Variants in PKHD1 observed in about 807,000 individuals in gnomAD.
PKHD1 encodes the protein fibrocystin.
In PKHD1, 291 loss-of-function variants were observed where a neutral mutation model predicts 412.0. That is an observed-to-expected ratio of 0.71 (90% CI 0.64 to 0.78). PKHD1 has a LOEUF of 0.78. PKHD1 is among the 30% of genes least tolerant of loss of function. The pLI is 0.00. For synonymous variants in PKHD1, 1,777 were observed against 1,821.5 expected (o/e 0.98, Z 0.62); for missense variants, 4,825 against 4,950.7 (o/e 0.97, Z 0.76).
At chr6:51,913,175 C>T (rs73738768) in intron 37 of PKHD1, among the ~76,000 whole-genome samples, 1,677 of 152,096 alleles carry the variant, frequency 0.011, 33 homozygotes, top group African/African-American at 0.038. Context: ...ACCTCCATAA[C>T]TAATTTCCAA....
At chr6:51,647,514 TAAG>T (rs1770263603) in intron 63 of PKHD1, among the ~76,000 whole-genome samples, 1 of 152,118 alleles carries the variant, frequency 6.6e-6, no homozygotes, top group East Asian at 1.9e-4. Context: ...TAGACAAACA[TAAG>T]GAGAAAAACT....
chr6:52,017,068 GA>G (rs1177180897), intron 34 of PKHD1, among the ~76,000 whole-genome samples: 1 of 152,256 alleles, frequency 6.6e-6, no homozygotes, highest in African/African-American at 2.4e-5. Flanking sequence ...GGAAAGCGGG[GA>G]AAAAGCCTTC....
At chr6:51,722,515 T>C (rs1260498284) in intron 60 of PKHD1, among the ~76,000 whole-genome samples, 4 of 152,198 alleles carry the variant, frequency 2.6e-5, no homozygotes, top group Admixed American at 6.5e-5. Context: ...ATATTTAGAA[T>C]TGATTAACCA....
chr6:51,819,849 CCA>C (rs1766088436), intron 52 of PKHD1, among the ~76,000 whole-genome samples: 1 of 152,142 alleles, frequency 6.6e-6, no homozygotes, highest in Non-Finnish European at 1.5e-5. Flanking sequence ...GGCATTTGGA[CCA>C]TTAGCTCCAC....
intron 46 of PKHD1, among the ~76,000 whole-genome samples, chr6:51,874,227 A>G (rs1011912147): frequency 3.9e-5 from 6 of 152,210 alleles, no homozygotes; most frequent in Admixed American, 3.3e-4. Context: ...GAAGACAGCC[A>G]TCCTACAGAT....
intron 22 of PKHD1, among the ~76,000 whole-genome samples, chr6:52,049,946 T>TC (rs1806517668): frequency 6.6e-6 from 1 of 152,204 alleles, no homozygotes; most frequent in Non-Finnish European, 1.5e-5. Flanking sequence ...GTCAGGTTTT[T>TC]CCCCAAACCT....
rs1561967407 is a variant in PKHD1, at chr6:51,619,159, C to T, written c.12147G>A (p.Glu4049=). The change falls in exon 67 of 67, where the codon GAG becomes GAA. Residue 4049 remains glutamate (E), a synonymous_variant. Coordinates refer to ENST00000371117, the MANE Select transcript of PKHD1 (RefSeq NM_138694.4). ...CAGTGGCCCCGCAGGAGGCTTTCTT[C>T]TCTTGGGAAAGCCCCAAGCTGCCAC... ...KQSGSLGLSQ[E]KKASCGATEA... is the part of the protein sequence containing the mutation. The T allele has an allele frequency of 3.1e-6, 5 of 1,614,230 alleles. No homozygotes were observed. The highest frequency in any genetic ancestry group is 4.2e-6 in the Non-Finnish European group (5 of 1,180,014).
Position 51,858,513 on chromosome 6 carries a change from A to T in PKHD1, c.7734-2443T>A, listed in dbSNP as rs148462780. ...GGTCAGTAAATAAAACACACTAGAA[A>T]TATCTAAATTTCCTCAAGTACAGGG... On this transcript the variant is annotated intron_variant, in intron 48 of 66. Transcript: ENST00000371117. 1.2e-3 allele frequency among the ~76,000 whole-genome samples: 186 copies of T among 152,314 alleles called. 1 individual carries two copies. Among genetic ancestry groups the T allele is most frequent in the African/African-American group, 4.2e-3 (176 of 41,586 alleles).
At position 51,791,281 on chromosome 6, in the gene PKHD1, G is replaced by C. The variant is rs777756549; in HGVS notation, c.8395C>G (p.Leu2799Val). 1 of 1,613,910 alleles carries C rather than the reference G, an allele frequency of 6.2e-7. No individual in the cohort carries two copies. Among genetic ancestry groups the C allele is most frequent in the South Asian group, 1.1e-5 (1 of 91,068 alleles). The change falls in exon 53 of 67, where the codon CTG (leucine) becomes GTG (valine). Residue 2799 changes from leucine to valine, a missense_variant. By Grantham distance (32) the Leu-to-Val change is conservative. Transcript: ENST00000371117. ...GCAATGACCATGCATGCCACACTCA[G>C]AACATTGCTTCTGTCCACAGGGAAG... ...LDFPVDRSNVLSVACMVIAGG... is the reference protein window; with the variant it reads ...LDFPVDRSNVVSVACMVIAGG...
At chr6:51,953,433 C>T (rs769764600) in intron 36 of PKHD1, among the ~76,000 whole-genome samples, 3 of 151,934 alleles carry the variant, frequency 2.0e-5, no homozygotes, top group African/African-American at 4.8e-5. Flanking sequence ...CTCACACAGG[C>T]CTGATGCACA....
intron 32 of PKHD1, 41 bp downstream of exon 32, chr6:52,024,533 T>C: frequency 6.3e-7 from 1 of 1,577,422 alleles, no homozygotes. Flanking sequence ...TACCAATTCA[T>C]TTACATAAAG....
At position 51,633,410 on chromosome 6, in the gene PKHD1, T is replaced by C. The variant is rs184162847; in HGVS notation, c.11507-687A>G. On this transcript the variant is annotated intron_variant, in intron 64 of 66. Transcript: ENST00000371117. ...AGTTACCTATCTGCATAAAAACACA[T>C]ACATAAATGTTTTTAGCAGCTCTGT... 1.7e-4 allele frequency among the ~76,000 whole-genome samples: 26 copies of C among 152,206 alleles called. No individual in the cohort carries two copies. The East Asian group carries it at 4.6e-3, about 27-fold the overall frequency.
chr6:52,066,117 A>G (rs778728648), intron 11 of PKHD1, 40 bp from the exon 12 acceptor site: 1 of 882,854 alleles, frequency 1.1e-6, no homozygotes, highest in South Asian at 1.4e-5. Flanking sequence ...GCTTCCAAAT[A>G]TAGACCAGAA....
intron 33 of PKHD1, among the ~76,000 whole-genome samples, chr6:52,021,546 C>T (rs1200605039): frequency 1.3e-5 from 2 of 152,166 alleles, no homozygotes; most frequent in Non-Finnish European, 2.9e-5. Flanking sequence ...TAATTTTGCA[C>T]ATACCCTCTG....
chr6:51,852,466 C>G (rs1772449587), intron 49 of PKHD1, among the ~76,000 whole-genome samples: 1 of 152,162 alleles, frequency 6.6e-6, no homozygotes, highest in South Asian at 2.1e-4. Context: ...TGTTAATTTT[C>G]TGTCTCATTG....
rs776344678 is a variant in PKHD1, at chr6:52,058,473, C to T, written c.1362G>A (p.Leu454=). ...GGGCTATCCCATGATGCTCTGCTTCCAGGTAGTACATGGCTCCACCCAACA... is the reference window on the plus strand; with the variant it reads ...GGGCTATCCCATGATGCTCTGCTTCTAGGTAGTACATGGCTCCACCCAACA... ...LELLGGAMYY[L]EAEHHGIAPS... is the part of the protein sequence containing the mutation. Residue 454 remains leucine, a synonymous_variant, in exon 16 of 67, where the codon CTG becomes CTA. Transcript: ENST00000371117. 43 of 1,614,066 alleles carry T rather than the reference C, an allele frequency of 2.7e-5. No individual in the cohort carries two copies. The highest frequency in any genetic ancestry group is 3.3e-5 in the Non-Finnish European group (39 of 1,180,026).
At chr6:51,727,975 C>T (rs1279241002) in intron 60 of PKHD1, among the ~76,000 whole-genome samples, 1 of 152,200 alleles carries the variant, frequency 6.6e-6, no homozygotes, top group Non-Finnish European at 1.5e-5. Flanking sequence ...TGTAACCTCT[C>T]ATATTAAAAT....
In PKHD1 at chr6:51,781,427, C is replaced by A. The variant is rs540047691; in HGVS notation, c.8441-5506G>T. On this transcript the variant is annotated intron_variant, in intron 53 of 66. Coordinates refer to ENST00000371117, the MANE Select transcript of PKHD1 (RefSeq NM_138694.4). The stretch of plus-strand genomic sequence containing the variant: ...TAACAAATTTTCATTTTTAATGAGG[C>A]CTCTCAATTTTTCAATTAATGGAAT... Among the ~76,000 whole-genome samples the A allele has an allele frequency of 1.8e-4, 28 of 152,106 alleles. 1 individual carries two copies. In the East Asian group the frequency reaches 4.2e-3, roughly 23 times the overall value.
intron 35 of PKHD1, among the ~76,000 whole-genome samples, chr6:51,980,399 C>T (rs1304574689): frequency 6.6e-6 from 1 of 152,166 alleles, no homozygotes; most frequent in Non-Finnish European, 1.5e-5. Flanking sequence ...AAATAATGTG[C>T]TACAGTTCAT....
Sources: allele counts gnomAD v4.1 joint callset (sites outside exome capture counted in the v4.1 genomes callset), GRCh38; gene constraint gnomAD v4.1.1; transcripts MANE v1.5; gene names NCBI Gene and HGNC (gene_info 2026-07-23, HGNC 2026-07-21).